Variants in SGSM1 observed in about 807,000 individuals in gnomAD.
The protein encoded by SGSM1 is small G protein signaling modulator 1.
SGSM1 carries 73 observed loss-of-function variants against 133.8 expected under a neutral mutation model. The observed-to-expected ratio is 0.55, with a 90% CI of 0.45 to 0.66. The LOEUF is 0.66. SGSM1 is among the 30% of genes least tolerant of loss of function. SGSM1 has a pLI of 0.00. For synonymous variants in SGSM1, 563 were observed against 573.0 expected, an observed-to-expected ratio of 0.98 and a Z score of 0.25; for missense variants, 1,213 against 1,448.1, an observed-to-expected ratio of 0.84 and a Z score of 2.64.
At chr22:24,894,142 G>A (rs188014207) in intron 17 of SGSM1, among the ~76,000 whole-genome samples, 306 of 152,256 alleles carry the variant, frequency 2.0e-3, no homozygotes, top group Middle Eastern at 0.01. Flanking sequence ...GGTGGCTCAC[G>A]CCTGTAATCC....
chr22:24,841,257 G>T (rs1231570004), intron 2 of SGSM1, among the ~76,000 whole-genome samples: 1 of 152,060 alleles, frequency 6.6e-6, no homozygotes, highest in East Asian at 1.9e-4. Context: ...TTATTTGTGG[G>T]TTTTCTAGTT....
chr22:24,862,830 G>A (rs1931229518), intron 9 of SGSM1, among the ~76,000 whole-genome samples: 1 of 152,166 alleles, frequency 6.6e-6, no homozygotes, highest in Non-Finnish European at 1.5e-5. Flanking sequence ...ACCTCAATGA[G>A]CCTCAGGGTT....
intron 16 of SGSM1, among the ~76,000 whole-genome samples, chr22:24,892,530 G>A (rs112960032): frequency 6.6e-6 from 1 of 152,082 alleles, no homozygotes; most frequent in Admixed American, 6.5e-5. Context: ...TATTTGTATT[G>A]TATCCTCAGC....
chr22:24,844,719 T>C (rs1265983667), intron 2 of SGSM1, 178 bp from the exon 3 acceptor site: 2 of 579,162 alleles, frequency 3.5e-6, no homozygotes, highest in Admixed American at 6.1e-5. Context: ...CATGGAGCTG[T>C]GACAGGCCTC....
intron 21 of SGSM1, among the ~76,000 whole-genome samples, chr22:24,909,873 G>A (rs1162611880): frequency 2.0e-5 from 3 of 152,100 alleles, no homozygotes; most frequent in African/African-American, 7.2e-5. Context: ...AAATATATGT[G>A]CATACAAATA....
At chr22:24,879,564 A>T (rs777706043) in intron 14 of SGSM1, 38 bp downstream of exon 14, 2 of 1,598,584 alleles carry the variant, frequency 1.3e-6, no homozygotes, top group South Asian at 2.2e-5. Flanking sequence ...GTCTCCGTGG[A>T]GCAGCTATTG....
intron 2 of SGSM1, among the ~76,000 whole-genome samples, chr22:24,834,578 A>G (rs918859812): frequency 6.6e-6 from 1 of 152,184 alleles, no homozygotes; most frequent in African/African-American, 2.4e-5. Flanking sequence ...CTTGAACGAC[A>G]TAAACTGATT....
intron 2 of SGSM1, among the ~76,000 whole-genome samples, chr22:24,824,249 G>A (rs1928661455): frequency 6.6e-6 from 1 of 152,202 alleles, no homozygotes; most frequent in Non-Finnish European, 1.5e-5. Flanking sequence ...GGGACTGCAT[G>A]GGCAAGGACC....
At chr22:24,874,364 G>A in intron 12 of SGSM1, 1 of 1,549,986 alleles carries the variant, frequency 6.5e-7, no homozygotes, top group Non-Finnish European at 8.7e-7. Flanking sequence ...TCAGTGTCCT[G>A]CCCACCGCAG....
intron 21 of SGSM1, among the ~76,000 whole-genome samples, chr22:24,907,690 T>C (rs1001551455): frequency 3.3e-5 from 5 of 151,782 alleles, no homozygotes; most frequent in Non-Finnish European, 7.4e-5. Context: ...TTTGGGAGGC[T>C]GAGGTGGGCA....
At chr22:24,812,382 G>A (rs1169572738) in intron 2 of SGSM1, among the ~76,000 whole-genome samples, 2 of 152,060 alleles carry the variant, frequency 1.3e-5, no homozygotes, top group Admixed American at 6.6e-5. Flanking sequence ...TATGCAGCTC[G>A]CTTTAAGGTC....
chr22:24,841,052 G>GT (rs1929768740), intron 2 of SGSM1, among the ~76,000 whole-genome samples: 1 of 151,744 alleles, frequency 6.6e-6, no homozygotes, highest in South Asian at 2.1e-4. Flanking sequence ...GGGTTTCACC[G>GT]TGTTAGCCAA....
At chr22:24,809,071 T>C (rs575017735) in intron 2 of SGSM1, among the ~76,000 whole-genome samples, 3 of 152,274 alleles carry the variant, frequency 2.0e-5, no homozygotes, top group African/African-American at 7.2e-5. Flanking sequence ...GGGAACAGGT[T>C]CCGTTCTTCT....
intron 12 of SGSM1, among the ~76,000 whole-genome samples, chr22:24,875,482 T>A (rs1237272477): frequency 6.6e-6 from 1 of 152,056 alleles, no homozygotes; most frequent in Non-Finnish European, 1.5e-5. Flanking sequence ...TTACAAACAC[T>A]AAAATATTTA....
intron 16 of SGSM1, among the ~76,000 whole-genome samples, chr22:24,892,630 T>G (rs941022737): frequency 6.6e-6 from 1 of 152,132 alleles, no homozygotes; most frequent in African/African-American, 2.4e-5. Context: ...CTTGCTCATC[T>G]TGTATTCCAT....
chr22:24,836,444 C>T (rs1161479217), intron 2 of SGSM1, among the ~76,000 whole-genome samples: 1 of 152,194 alleles, frequency 6.6e-6, no homozygotes, highest in Non-Finnish European at 1.5e-5. Flanking sequence ...GAGACTCTGC[C>T]TTCAGTTCTT....
chr22:24,844,699 A>C (rs1929991987), intron 2 of SGSM1, 198 bp from the exon 3 acceptor site: 1 of 562,600 alleles, frequency 1.8e-6, no homozygotes. Context: ...ATAATTGATA[A>C]AATGAGAAGC....
intron 18 of SGSM1, among the ~76,000 whole-genome samples, chr22:24,895,820 C>A (rs556705653): frequency 6.6e-6 from 1 of 152,212 alleles, no homozygotes; most frequent in African/African-American, 2.4e-5. Flanking sequence ...CCAAGGTAGG[C>A]AGATAGCTTA....
intron 2 of SGSM1, among the ~76,000 whole-genome samples, chr22:24,809,701 G>A (rs1279984500): frequency 6.6e-6 from 1 of 152,202 alleles, no homozygotes; most frequent in African/African-American, 2.4e-5. Context: ...AGCAGGGACA[G>A]GCCCCTTGTA....
Sources: gnomAD v4.1 joint callset for allele counts (sites outside exome capture counted in the v4.1 genomes callset) on GRCh38, gnomAD v4.1.1 for gene constraint, MANE v1.5 for transcripts, NCBI Gene and HGNC (gene_info 2026-07-23, HGNC 2026-07-21) for gene names.